TPCN1: variants seen among roughly 807,000 people sequenced by gnomAD.
TPCN1 encodes two pore segment channel 1.
In TPCN1, 52 loss-of-function variants were observed where a neutral mutation model predicts 108.8. That is an observed-to-expected ratio of 0.48 (90% CI 0.38 to 0.60). TPCN1 has a LOEUF of 0.60. Ranked by LOEUF, TPCN1 falls within the 20% of genes least tolerant of loss-of-function variation. The pLI is 0.00. For missense variants in TPCN1, 806 were observed against 1,072.8 expected, an observed-to-expected ratio of 0.75 and a Z score of 3.47; for synonymous variants, 446 against 433.7, an observed-to-expected ratio of 1.03 and a Z score of -0.35.
rs980853160 is a variant in TPCN1 at position 113,232,855 on chromosome 12, C to T, written c.112+5891C>T. Among the ~76,000 whole-genome samples the T allele has an allele frequency of 6.6e-6, 1 of 152,240 alleles. No homozygotes were observed. Among genetic ancestry groups the T allele is most frequent in the Non-Finnish European group, 1.5e-5 (1 of 68,044 alleles). On this transcript the variant is annotated intron_variant, in intron 2 of 27. Transcript: ENST00000335509. This position sits in a 1 kb window ranked among gnomAD's most constrained non-coding sequence, Gnocchi z 5.6. ...AACCCAGGCCACGATTCAGATCCTTCTTGCCTCACTCCTGGCACAGCAGGT... is the reference window on the plus strand; with the variant it reads ...AACCCAGGCCACGATTCAGATCCTTTTTGCCTCACTCCTGGCACAGCAGGT...
intron 23 of TPCN1, 193 bp from the exon 24 acceptor site, chr12:113,291,416 G>A: frequency 1.6e-6 from 1 of 611,676 alleles, no homozygotes; most frequent in East Asian, 2.7e-5. Flanking sequence ...GTCCAGGGGA[G>A]TGGCCAGGGC....
rs1956162699 is a variant in TPCN1 at position 113,288,437 on chromosome 12, T to G, written c.1706+203T>G. The G allele has an allele frequency of 2.7e-6, 4 of 1,485,962 alleles. No homozygotes were observed. Among genetic ancestry groups the G allele is most frequent in the Non-Finnish European group, 2.7e-6 (3 of 1,120,016 alleles). 92.0% of individuals were successfully genotyped at this position (1,485,962 alleles called of 1,614,324 possible). On this transcript the variant is annotated intron_variant, in intron 20 of 27. Coordinates refer to ENST00000335509, the MANE Select transcript of TPCN1 (RefSeq NM_017901.6). This position sits in a 1 kb window ranked among gnomAD's most constrained non-coding sequence, Gnocchi z 4.8. Reference sequence around the variant, plus strand: ...TTTCTCCACTGACCTGTCTGACATATTTAGTAGGGAGGGCAGGGAGCTGTC... The same window carrying G: ...TTTCTCCACTGACCTGTCTGACATAGTTAGTAGGGAGGGCAGGGAGCTGTC...
At chr12:113,293,506 C>T (rs551621144) in intron 27 of TPCN1, among the ~76,000 whole-genome samples, 157 bp downstream of exon 27, 9 of 152,286 alleles carry the variant, frequency 5.9e-5, no homozygotes, top group African/African-American at 1.9e-4. Context: ...GGGACCTGAG[C>T]GGGGCTCACT....
chr12:113,223,435 C>CTTTTTTTTTTTTTTTTT (rs1172851714), intron 1 of TPCN1, among the ~76,000 whole-genome samples: 1 of 120,292 alleles, frequency 8.3e-6, no homozygotes, highest in Non-Finnish European at 1.7e-5. Flanking sequence ...TCTGCTGAGT[C>CTTTTTTTTTTTTTTTTT]TTTTTTTTTT....
chr12:113,288,588 T>C lies in TPCN1; in HGVS notation c.1707-170T>C. 1 of 1,476,024 alleles carries C rather than the reference T, an allele frequency of 6.8e-7. No homozygotes were observed. Among genetic ancestry groups the C allele is most frequent in the South Asian group, 1.3e-5 (1 of 74,502 alleles). The allele number at this position is 1,476,024 out of a possible 1,614,324, so 91.4% of individuals were successfully genotyped here. A position where few individuals can be genotyped will look rare whatever the true frequency, so the allele number is the denominator to read the frequency against. On this transcript the variant is annotated intron_variant, in intron 20 of 27. Coordinates refer to ENST00000335509, the MANE Select transcript of TPCN1 (RefSeq NM_017901.6). The surrounding 1 kb of genome is among the most constrained non-coding windows in gnomAD (Gnocchi z 4.8). ...ATAGCGTCCTGACTTGAGCTGTTTT[T>C]CACCCCAGAGCTGCCCCACGAGGCC...
intron 1 of TPCN1, among the ~76,000 whole-genome samples, chr12:113,223,472 G>A (rs1270880255): frequency 1.4e-5 from 2 of 144,842 alleles, no homozygotes; most frequent in African/African-American, 2.7e-5. Flanking sequence ...CAGCGGAAAC[G>A]GGAATGTGCA....
chr12:113,277,379 C>T lies in TPCN1; in HGVS notation c.1184+15C>T, dbSNP rs759636216. On this transcript the variant is annotated intron_variant, in intron 12 of 27. Coordinates refer to ENST00000335509, the MANE Select transcript of TPCN1 (RefSeq NM_017901.6). ...CCCCTGCTCAGGTAAGAGCAGATGCCTGGTAGGGGCAGCATGGCCAGACAA... is the reference window on the plus strand; with the variant it reads ...CCCCTGCTCAGGTAAGAGCAGATGCTTGGTAGGGGCAGCATGGCCAGACAA... 30 of 1,613,764 alleles carry T rather than the reference C, an allele frequency of 1.9e-5. No individual in the cohort carries two copies. In the East Asian group the frequency reaches 6.0e-4, roughly 32 times the overall value.
At chr12:113,258,491 G>C (rs1398837841) in intron 2 of TPCN1, among the ~76,000 whole-genome samples, 1 of 151,928 alleles carries the variant, frequency 6.6e-6, no homozygotes, top group East Asian at 1.9e-4. Context: ...GAAAAAACAA[G>C]GGTGGAGTGG....
In TPCN1 at chr12:113,235,371, CA is replaced by C. The variant is rs370906019; in HGVS notation, c.112+8409del. 1.8e-3 allele frequency among the ~76,000 whole-genome samples: 277 copies of C among 152,272 alleles called. 4 individuals carry two copies. The highest frequency in any genetic ancestry group is 6.3e-3 in the African/African-American group (263 of 41,548). The stretch of plus-strand genomic sequence containing the variant: ...TCTCCGTTCTTATCTTCATCCTATG[CA>C]ACTTTAGACCGCTACTGTTTTTTAA... On this transcript the variant is annotated intron_variant, in intron 2 of 27. Coordinates refer to ENST00000335509, the MANE Select transcript of TPCN1 (RefSeq NM_017901.6).
chr12:113,277,115 C>T, intron 11 of TPCN1, 80 bp downstream of exon 11: 1 of 1,596,150 alleles, frequency 6.3e-7, no homozygotes, highest in South Asian at 1.1e-5. Context: ...ATGGCCAGGC[C>T]AGCCACTTTA....
At chr12:113,241,797 T>TGC (rs1490642006) in intron 2 of TPCN1, among the ~76,000 whole-genome samples, 3 of 142,726 alleles carry the variant, frequency 2.1e-5, no homozygotes, top group Non-Finnish European at 4.7e-5. Context: ...TGTGTGTGCG[T>TGC]GTGTGTGTAT....
chr12:113,237,191 G>A (rs1953929862), intron 2 of TPCN1, among the ~76,000 whole-genome samples: 1 of 152,134 alleles, frequency 6.6e-6, no homozygotes, highest in Non-Finnish European at 1.5e-5. Flanking sequence ...CTGAATAGGG[G>A]TTACTTTTCC....
chr12:113,277,458 G>A (rs907183357), intron 12 of TPCN1, 94 bp downstream of exon 12: 14 of 1,493,746 alleles, frequency 9.4e-6, no homozygotes, highest in Non-Finnish European at 1.3e-5. Flanking sequence ...AGGTGGGCAG[G>A]CCTATAGGCT....
At chr12:113,223,922 ACT>A (rs1953370232) in intron 1 of TPCN1, among the ~76,000 whole-genome samples, 2 of 152,036 alleles carry the variant, frequency 1.3e-5, no homozygotes, top group South Asian at 4.1e-4. Context: ...AAAAAAAAAT[ACT>A]CTTTTCCCCT....
At chr12:113,250,876 G>T (rs1453815594) in intron 2 of TPCN1, among the ~76,000 whole-genome samples, 1 of 151,974 alleles carries the variant, frequency 6.6e-6, no homozygotes, top group African/African-American at 2.4e-5. Flanking sequence ...TGAAGCACAA[G>T]AATTGCTTGA....
At chr12:113,241,278 T>C (rs1954109561) in intron 2 of TPCN1, among the ~76,000 whole-genome samples, 1 of 152,194 alleles carries the variant, frequency 6.6e-6, no homozygotes, top group Non-Finnish European at 1.5e-5. Context: ...CCTCCAGCTG[T>C]CACTTCCCCA....
At chr12:113,235,144 C>T (rs920452768) in intron 2 of TPCN1, among the ~76,000 whole-genome samples, 3 of 152,188 alleles carry the variant, frequency 2.0e-5, no homozygotes, top group Non-Finnish European at 2.9e-5. Context: ...AATGCTTTGC[C>T]CAAAGAAAGA....
chr12:113,263,379 G>C (rs1327541536), intron 3 of TPCN1, among the ~76,000 whole-genome samples: 1 of 152,144 alleles, frequency 6.6e-6, no homozygotes, highest in African/African-American at 2.4e-5. Context: ...TCCTGCCTCA[G>C]CCACCCAGGT....
At chr12:113,247,647 G>A (rs879639831) in intron 2 of TPCN1, among the ~76,000 whole-genome samples, 16 of 152,246 alleles carry the variant, frequency 1.1e-4, no homozygotes, top group African/African-American at 2.4e-4. Flanking sequence ...GCACTGCTGC[G>A]TGAAGGCCAC....
Sources: gnomAD v4.1 joint callset for allele counts (sites outside exome capture counted in the v4.1 genomes callset) on GRCh38, gnomAD v4.1.1 for gene constraint, Gnocchi (gnomAD v3.1) non-coding constraint, MANE v1.5 for transcripts, NCBI Gene and HGNC (gene_info 2026-07-23, HGNC 2026-07-21) for gene names.